Variants in ENGASE observed in about 807,000 individuals in gnomAD.
ENGASE encodes the protein cytosolic endo-beta-N-acetylglucosaminidase.
In ENGASE, 69 loss-of-function variants were observed where a neutral mutation model predicts 78.5. The ratio of observed to expected loss-of-function variants is 0.88; its 90% CI spans 0.72 to 1.07. The LOEUF (loss-of-function observed/expected upper bound fraction) is 1.07. ENGASE is among the 50% of genes least tolerant of loss of function. The pLI, the probability that ENGASE is intolerant of heterozygous loss-of-function variation, is 0.00. For missense variants in ENGASE, 943 were observed against 988.4 expected (o/e 0.95, Z 0.62); for synonymous variants, 408 against 408.9 (o/e 1.00, Z 0.03).
rs754826254 is a variant in ENGASE at position 79,086,367 on chromosome 17, G to T, written c.*18G>T. The T allele has an allele frequency of 1.3e-6, 2 of 1,598,186 alleles. No individual in the cohort carries two copies. The highest frequency in any genetic ancestry group is 2.2e-5 in the South Asian group (2 of 89,634). The stretch of plus-strand genomic sequence containing the variant: ...CTGCATGAGCGGATGCTAAGGCCGG[G>T]TGGTCTCCTGGCCTCGGGCTGAGGC... On this transcript the variant is annotated 3_prime_UTR_variant, in exon 14 of 14. Coordinates refer to ENST00000579016, the MANE Select transcript of ENGASE (RefSeq NM_001042573.3).
intron 1 of ENGASE, among the ~76,000 whole-genome samples, chr17:79,076,823 G>A (rs1052966379): frequency 1.3e-5 from 2 of 152,280 alleles, no homozygotes; most frequent in South Asian, 2.1e-4. Flanking sequence ...AAGTATTTAT[G>A]TCTGGTCTTT....
chr17:79,079,461 G>A, intron 3 of ENGASE, 28 bp from the exon 4 acceptor site: 4 of 1,604,472 alleles, frequency 2.5e-6, no homozygotes, highest in Middle Eastern at 1.7e-4. Flanking sequence ...AGCTGCCGTG[G>A]CCAGCCCTGT....
chr17:79,077,831 G>A lies in ENGASE; in HGVS notation c.383G>A (p.Cys128Tyr). The A allele has an allele frequency of 6.2e-7, 1 of 1,612,794 alleles. No individual in the cohort carries two copies. Among genetic ancestry groups the A allele is most frequent in the Non-Finnish European group, 8.5e-7 (1 of 1,179,342 alleles). ...AGCCAGAGGCCCCGGACTTTGTTGT[G>A]TCATGACATGATGGGCGGGTACCTG... is the stretch of plus-strand genomic sequence containing the variant. ...LSSQRPRTLLCHDMMGGYLDD... is the reference protein window; with the variant it reads ...LSSQRPRTLLYHDMMGGYLDD... The change falls in exon 3 of 14, where the codon TGT becomes TAT. Residue 128 changes from cysteine to tyrosine, a missense_variant. Transcript: ENST00000579016.
Position 79,083,794 on chromosome 17 carries a change from G to A in ENGASE, c.1285G>A (p.Ala429Thr), listed in dbSNP as rs201055219. ...EAVGPWYHLSAQEIQPLFGEH... is the reference protein window; with the variant it reads ...EAVGPWYHLSTQEIQPLFGEH... Reference sequence around the variant, plus strand: ...GGTAGGGCCCTGGTACCACCTGAGCGCCCAGGAGATCCAGCCCTTGTTTGG... The same window carrying A: ...GGTAGGGCCCTGGTACCACCTGAGCACCCAGGAGATCCAGCCCTTGTTTGG... Residue 429 changes from alanine to threonine, a missense_variant, in exon 10 of 14, where the codon GCC (alanine) becomes ACC (threonine). Transcript: ENST00000579016. This position sits in a 1 kb window ranked among gnomAD's most constrained non-coding sequence, Gnocchi z 4.9. The A allele has an allele frequency of 1.1e-4, 184 of 1,611,920 alleles. 1 individual carries two copies. In the Admixed American group the frequency reaches 1.4e-3, roughly 13 times the overall value.
chr17:79,081,806 C>G, intron 6 of ENGASE, 92 bp from the exon 7 acceptor site: 1 of 1,485,516 alleles, frequency 6.7e-7, no homozygotes, highest in Non-Finnish European at 9.0e-7. Flanking sequence ...CCTCTGAGTA[C>G]TAGGAGGGGA....
In ENGASE at chr17:79,077,446, G is replaced by C; in HGVS notation, c.163G>C (p.Glu55Gln). ...TTTGCTTAGCATCAAAGATGAAGAA[G>C]AAGAGACAGTCTTTCGAGAGGTGGT... ...RPGRSIKDEE[E>Q]ETVFREVVSF... Residue 55 changes from glutamate (E) to glutamine (Q), a missense_variant, in exon 2 of 14, where the codon GAA becomes CAA. Coordinates refer to ENST00000579016, the MANE Select transcript of ENGASE (RefSeq NM_001042573.3). 1 of 1,589,056 alleles carries C rather than the reference G, an allele frequency of 6.3e-7. No homozygotes were observed. Among genetic ancestry groups the C allele is most frequent in the South Asian group, 1.2e-5 (1 of 85,994 alleles).
rs764413417 is a variant in ENGASE at position 79,081,037 on chromosome 17, A to C, written c.836A>C (p.Gln279Pro). The change falls in exon 6 of 14, where the codon CAG becomes CCG. Residue 279 changes from glutamine to proline, a missense_variant. Transcript: ENST00000579016. ...TATGACAGCGTGGTGCAAAGTGGGC[A>C]GCTCAAATGGCAAGACGAACTCAAC... ...LWYDSVVQSG[Q>P]LKWQDELNQH... 16 of 1,598,540 alleles carry C rather than the reference A, an allele frequency of 1.0e-5. No individual in the cohort carries two copies. The highest frequency in any genetic ancestry group is 2.1e-4 in the Middle Eastern group (1 of 4,800).
Position 79,077,786 on chromosome 17 carries a change from G to T in ENGASE, c.338G>T (p.Cys113Phe). 6.2e-7 allele frequency: 1 copy of T among 1,614,116 alleles called. No individual in the cohort carries two copies. The highest frequency in any genetic ancestry group is 8.5e-7 in the Non-Finnish European group (1 of 1,180,048). The change falls in exon 3 of 14, where the codon TGT (cysteine) becomes TTT (phenylalanine). Residue 113 changes from cysteine (C) to phenylalanine (F), a missense_variant. Coordinates refer to ENST00000579016, the MANE Select transcript of ENGASE (RefSeq NM_001042573.3). ...GFNVALEPLA[C>F]RQPPLSSQRP... ...AATGTGGCCCTGGAGCCCCTGGCGT[G>T]TCGCCAGCCCCCTCTGAGCAGCCAG...
At position 79,075,753 on chromosome 17, in the gene ENGASE, C is replaced by T. The variant is rs1167513444; in HGVS notation, c.146+663C>T. 1.3e-5 allele frequency: 13 copies of T among 985,448 alleles called. No homozygotes were observed. In the South Asian group the frequency reaches 1.9e-4, roughly 14 times the overall value. The allele number at this position is 985,448 out of a possible 1,614,324, so 61.0% of individuals were successfully genotyped here. ...CAGCAGCCGTAGCTTTGTTTCTAAA[C>T]CCAAAGCAGTGAGACTGCTGAGCAT... On this transcript the variant is annotated intron_variant, in intron 1 of 13. Transcript: ENST00000579016.
In ENGASE at chr17:79,081,884, T is replaced by G. The variant is rs1279644732; in HGVS notation, c.873-14T>G. ...TGGGCCTGGGCCTCACAGCAGGTCC[T>G]TGTTGCTTCTCAGGGTCTTCTTTGA... On this transcript the variant is annotated splice_polypyrimidine_tract_variant and intron_variant, in intron 6 of 13. Coordinates refer to ENST00000579016, the MANE Select transcript of ENGASE (RefSeq NM_001042573.3). 6.2e-7 allele frequency: 1 copy of G among 1,604,076 alleles called. No homozygotes were observed.
At chr17:79,076,029 C>A in intron 1 of ENGASE, 1 of 431,376 alleles carries the variant, frequency 2.3e-6, no homozygotes, top group Non-Finnish European at 3.1e-6. Flanking sequence ...AATCCGTCCC[C>A]GACCCCTGCA....
intron 11 of ENGASE, 115 bp downstream of exon 11, chr17:79,084,801 A>G: frequency 8.3e-7 from 1 of 1,198,224 alleles, no homozygotes; most frequent in Non-Finnish European, 1.2e-6. Context: ...GGGGGGGTAC[A>G]TCCTGCCTTT....
At position 79,083,226 on chromosome 17, in the gene ENGASE, G is replaced by C. The variant is rs1241067470; in HGVS notation, c.1142+103G>C. Reference sequence around the variant, plus strand: ...TGTGCTCTTTAGTGACCCTTCCTATGGGGGGGTGGTTAAGGGAGGATGACA... The same window carrying C: ...TGTGCTCTTTAGTGACCCTTCCTATCGGGGGGTGGTTAAGGGAGGATGACA... On this transcript the variant is annotated intron_variant, in intron 8 of 13. Transcript: ENST00000579016. The surrounding 1 kb of genome is among the most constrained non-coding windows in gnomAD (Gnocchi z 4.9). The C allele has an allele frequency of 1.9e-5, 17 of 903,368 alleles. No individual in the cohort carries two copies. The Admixed American group carries it at 3.2e-4, about 17-fold the overall frequency. The allele number at this position is 903,368 out of a possible 1,614,324, so 56.0% of individuals were successfully genotyped here.
rs2073396452 is a variant in ENGASE at position 79,088,417 on chromosome 17, A to T, written c.*2068A>T. ...ATTATTTTCTCACAGTCTGGTGAGCAGGCAATTAATTAGGAGTAAGGGGGC... is the reference window on the plus strand; with the variant it reads ...ATTATTTTCTCACAGTCTGGTGAGCTGGCAATTAATTAGGAGTAAGGGGGC... On this transcript the variant is annotated 3_prime_UTR_variant, in exon 14 of 14. Coordinates refer to ENST00000579016, the MANE Select transcript of ENGASE (RefSeq NM_001042573.3). 6.6e-6 allele frequency: 1 copy of T among 152,206 alleles called. No individual in the cohort carries two copies. Among genetic ancestry groups the T allele is most frequent in the African/African-American group, 2.4e-5 (1 of 41,450 alleles). The allele number at this position is 152,206 out of a possible 1,614,324, so 9.4% of individuals were successfully genotyped here. A position where few individuals can be genotyped will look rare whatever the true frequency, so the allele number is the denominator to read the frequency against.
chr17:79,077,019 G>A (rs1371563716), intron 1 of ENGASE, among the ~76,000 whole-genome samples: 2 of 152,156 alleles, frequency 1.3e-5, no homozygotes, highest in South Asian at 2.1e-4. Context: ...GATTACAGGC[G>A]TGTGCCACCA....
At chr17:79,077,608 G>T (rs1036544821) in intron 2 of ENGASE, 55 bp from the exon 3 acceptor site, 10 of 1,601,482 alleles carry the variant, frequency 6.2e-6, no homozygotes, top group Non-Finnish European at 7.7e-6. Context: ...AAAATGTTTC[G>T]ATTAATCCTA....
chr17:79,082,267 C>A, intron 7 of ENGASE: 1 of 1,518,984 alleles, frequency 6.6e-7, no homozygotes, highest in Non-Finnish European at 8.8e-7. Flanking sequence ...CCGGCTATTT[C>A]TACAATCAGA....
chr17:79,079,128 G>A (rs1267756919), intron 3 of ENGASE, among the ~76,000 whole-genome samples: 1 of 152,128 alleles, frequency 6.6e-6, no homozygotes, highest in African/African-American at 2.4e-5. Context: ...TGCGGTCTCC[G>A]TGTCCTTATT....
rs374695310 is a variant in ENGASE at position 79,083,071 on chromosome 17, G to C, written c.1090G>C (p.Gly364Arg). ...CTTCTCCGTGGCTTTGTTTGCCCCC[G>C]GCTGGGTGTATGAGTGTCTGGAGAA... is the stretch of plus-strand genomic sequence containing the variant. ...HGFSVALFAP[G>R]WVYECLEKKD... The change falls in exon 8 of 14, where the codon GGC becomes CGC. Residue 364 changes from glycine (G) to arginine (R), a missense_variant. By Grantham distance (125) the Gly-to-Arg change is moderately radical. Coordinates refer to ENST00000579016, the MANE Select transcript of ENGASE (RefSeq NM_001042573.3). This position sits in a 1 kb window ranked among gnomAD's most constrained non-coding sequence, Gnocchi z 4.9. The C allele has an allele frequency of 6.2e-7, 1 of 1,614,076 alleles. No individual in the cohort carries two copies. The highest frequency in any genetic ancestry group is 8.5e-7 in the Non-Finnish European group (1 of 1,180,006).
Sources: gnomAD v4.1 joint callset for allele counts (sites outside exome capture counted in the v4.1 genomes callset) on GRCh38, gnomAD v4.1.1 for gene constraint, Gnocchi (gnomAD v3.1) non-coding constraint, MANE v1.5 for transcripts, NCBI Gene and HGNC (gene_info 2026-07-23, HGNC 2026-07-21) for gene names.